The following GRIN2A variants were observed in gnomAD, a reference collection of about 807,000 sequenced individuals.
GRIN2A encodes the protein glutamate receptor ionotropic, NMDA 2A.
Under a neutral mutation model 113.4 loss-of-function variants are expected in GRIN2A, and 22 were observed. The observed-to-expected ratio is 0.19, with a 90% CI of 0.14 to 0.28. The LOEUF is 0.28. Among genes scored for constraint, GRIN2A ranks in the 10% least tolerant of loss-of-function variants. GRIN2A has a pLI of 1.00. For synonymous variants in GRIN2A, 827 were observed against 738.4 expected (o/e 1.12, Z -1.94); for missense variants, 1,502 against 1,887.0 (o/e 0.80, Z 3.78).
intron 12 of GRIN2A, among the ~76,000 whole-genome samples, chr16:9,767,766 G>A (rs1490847583): frequency 6.6e-6 from 1 of 152,196 alleles, no homozygotes; most frequent in Non-Finnish European, 1.5e-5. Flanking sequence ...GGTAAACTTT[G>A]TTTTCTGCTT....
intron 4 of GRIN2A, among the ~76,000 whole-genome samples, chr16:9,878,805 A>G (rs1308111081): frequency 6.6e-6 from 1 of 152,052 alleles, no homozygotes; most frequent in African/African-American, 2.4e-5. Flanking sequence ...TTGATGTTAC[A>G]ACTGCAACAA....
At chr16:9,851,353 G>A (rs542458795) in intron 4 of GRIN2A, among the ~76,000 whole-genome samples, 5 of 152,224 alleles carry the variant, frequency 3.3e-5, no homozygotes, top group East Asian at 1.9e-4. Context: ...ATTTATTCAC[G>A]CTATGATATG....
chr16:10,089,082 G>T (rs958668267), intron 2 of GRIN2A, among the ~76,000 whole-genome samples: 2 of 152,144 alleles, frequency 1.3e-5, no homozygotes, highest in African/African-American at 4.8e-5. Flanking sequence ...TAGTTATTAA[G>T]TATATTAATA....
At chr16:10,089,803 A>G (rs1334706813) in intron 2 of GRIN2A, among the ~76,000 whole-genome samples, 1 of 152,208 alleles carries the variant, frequency 6.6e-6, no homozygotes, top group Non-Finnish European at 1.5e-5. Flanking sequence ...TCAAAAATTT[A>G]TAACTAACAA....
chr16:9,859,556 C>T (rs142004641), intron 4 of GRIN2A, among the ~76,000 whole-genome samples: 35 of 151,664 alleles, frequency 2.3e-4, no homozygotes, highest in Non-Finnish European at 4.6e-4. Flanking sequence ...CACACCCACA[C>T]GTACAACTAC....
chr16:9,926,852 T>C (rs920593876), intron 3 of GRIN2A, among the ~76,000 whole-genome samples: 19 of 152,036 alleles, frequency 1.2e-4, no homozygotes, highest in Admixed American at 4.6e-4. Context: ...ACAAAAAATA[T>C]AATTTTTGTG....
At chr16:9,813,350 G>A (rs2042123060) in intron 10 of GRIN2A, among the ~76,000 whole-genome samples, 1 of 152,002 alleles carries the variant, frequency 6.6e-6, no homozygotes. Flanking sequence ...ATGAAATGCA[G>A]GAAAAAATAG....
At chr16:9,810,818 C>T (rs974105041) in intron 10 of GRIN2A, among the ~76,000 whole-genome samples, 4 of 152,178 alleles carry the variant, frequency 2.6e-5, no homozygotes, top group Non-Finnish European at 4.4e-5. Context: ...ACTGGGGACA[C>T]CTGAAGGTGC....
In GRIN2A at chr16:9,768,910, G is replaced by A. The variant is rs1285952756; in HGVS notation, c.2536C>T (p.Arg846Cys). The A allele has an allele frequency of 6.2e-7, 1 of 1,614,198 alleles. No homozygotes were observed. Among genetic ancestry groups the A allele is most frequent in the Non-Finnish European group, 8.5e-7 (1 of 1,180,008 alleles). The change falls in exon 12 of 13, where the codon CGC (arginine) becomes TGC (cysteine). Residue 846 changes from arginine (R) to cysteine (C), a missense_variant. Around this residue, in one of 7 missense-constraint regions of GRIN2A, gnomAD observed 832 missense variants for 789.7 expected, o/e 1.05. Transcript: ENST00000330684. Reference protein sequence around the residue: ...IWEHLFYWKLRFCFTGVCSDR... With the variant: ...IWEHLFYWKLCFCFTGVCSDR... ...GAGCACACGCCCGTGAAACAGAAGC[G>A]CAGCTTCCAGTAGAAGAGGTGCTCC... is the stretch of plus-strand genomic sequence containing the variant.
chr16:10,124,059 C>T (rs965075430), intron 2 of GRIN2A, among the ~76,000 whole-genome samples: 3 of 152,120 alleles, frequency 2.0e-5, no homozygotes, highest in African/African-American at 7.2e-5. Flanking sequence ...TCTCCAGAGA[C>T]AGATGAAGTG....
chr16:10,014,655 G>A (rs879923624), intron 2 of GRIN2A, among the ~76,000 whole-genome samples: 5 of 152,148 alleles, frequency 3.3e-5, no homozygotes, highest in Non-Finnish European at 7.4e-5. Context: ...AGGAGTTAAC[G>A]AGATGAGGAT....
intron 2 of GRIN2A, among the ~76,000 whole-genome samples, chr16:10,012,800 G>C (rs2046532710): frequency 6.6e-6 from 1 of 152,208 alleles, no homozygotes; most frequent in Non-Finnish European, 1.5e-5. Context: ...CCTCCAGAAA[G>C]AGTTCAGCCC....
chr16:10,090,319 G>T (rs9928340), intron 2 of GRIN2A, among the ~76,000 whole-genome samples: 1 of 152,008 alleles, frequency 6.6e-6, no homozygotes, highest in Non-Finnish European at 1.5e-5. Context: ...GAAATCAAGA[G>T]AGTGTGGTAT....
At position 10,005,494 on chromosome 16, in the gene GRIN2A, T is replaced by A. The variant is rs78942272; in HGVS notation, c.415-66943A>T. ...AACCAAATTTTATAGGGGCCAAGTG[T>A]GTACCATGAGTGAGTGAAGTGGTCC... On this transcript the variant is annotated intron_variant, in intron 2 of 12. Transcript: ENST00000330684. Among the ~76,000 whole-genome samples, 1,149 of 152,324 alleles carry A rather than the reference T, an allele frequency of 7.5e-3. 7 individuals are homozygous for A. Among genetic ancestry groups the A allele is most frequent in the Non-Finnish European group, 0.013 (914 of 68,036 alleles).
chr16:10,093,168 C>G (rs1452467162), intron 2 of GRIN2A, among the ~76,000 whole-genome samples: 4 of 152,164 alleles, frequency 2.6e-5, no homozygotes, highest in African/African-American at 9.7e-5. Flanking sequence ...GAAAGAAGAG[C>G]AAGTGGGGCT....
chr16:10,136,244 C>A (rs2049188542), intron 2 of GRIN2A, among the ~76,000 whole-genome samples: 1 of 152,090 alleles, frequency 6.6e-6, no homozygotes, highest in South Asian at 2.1e-4. Flanking sequence ...AGCATAACTT[C>A]CAGCACACAC....
Position 9,764,346 on chromosome 16 carries a change from A to C in GRIN2A, c.3198T>G (p.Asn1066Lys). ...MAHSDISETSNRATCHREPDN... is the reference protein window; with the variant it reads ...MAHSDISETSKRATCHREPDN... ...CAGGTTCCCTGTGGCACGTGGCCCG[A>C]TTTGACGTTTCTGAAATGTCAGAGT... The change falls in exon 13 of 13, where the codon AAT becomes AAG. Residue 1066 changes from asparagine (N) to lysine (K), a missense_variant. Around this residue, in one of 7 missense-constraint regions of GRIN2A, gnomAD observed 832 missense variants for 789.7 expected, o/e 1.05. Transcript: ENST00000330684. 6.2e-7 allele frequency: 1 copy of C among 1,614,050 alleles called. No individual in the cohort carries two copies. The highest frequency in any genetic ancestry group is 1.6e-4 in the Middle Eastern group (1 of 6,062).
chr16:10,159,122 T>A (rs564130872), intron 2 of GRIN2A, among the ~76,000 whole-genome samples: 1 of 152,248 alleles, frequency 6.6e-6, no homozygotes, highest in Non-Finnish European at 1.5e-5. Context: ...TCCCTGGGCT[T>A]CACTTTCCTC....
chr16:10,021,046 C>A (rs1190723494), intron 2 of GRIN2A, among the ~76,000 whole-genome samples: 5 of 152,198 alleles, frequency 3.3e-5, no homozygotes, highest in Non-Finnish European at 7.3e-5. Flanking sequence ...ATCTAATCAG[C>A]CCTAATTGGC....
Sources: gnomAD v4.1 joint callset for allele counts (sites outside exome capture counted in the v4.1 genomes callset) on GRCh38, gnomAD v4.1.1 for gene constraint, gnomAD v4.1.1 regional missense constraint, MANE v1.5 for transcripts, NCBI Gene and HGNC (gene_info 2026-07-23, HGNC 2026-07-21) for gene names.